The following RAD51B variants were observed in gnomAD, a reference collection of about 807,000 sequenced individuals.
The protein encoded by RAD51B is RAD51 paralog B, also known as DNA repair protein RAD51 homolog 2.
In RAD51B, 38 loss-of-function variants were observed where a neutral mutation model predicts 42.2. The ratio of observed to expected loss-of-function variants is 0.90; its 90% CI spans 0.70 to 1.18. RAD51B has a LOEUF of 1.18. RAD51B is among the 50% of genes most tolerant of loss of function. The probability of loss-of-function intolerance (pLI) is 0.00; values close to 1 mark genes in which losing one functional copy is unlikely to be tolerated. For synonymous variants in RAD51B, 154 were observed against 145.2 expected, an observed-to-expected ratio of 1.06 and a Z score of -0.43; for missense variants, 373 against 400.7, an observed-to-expected ratio of 0.93 and a Z score of 0.59.
At chr14:68,087,731 A>G (rs748238274) in intron 7 of RAD51B, among the ~76,000 whole-genome samples, 1 of 150,326 alleles carries the variant, frequency 6.7e-6, no homozygotes, top group Non-Finnish European at 1.5e-5. Flanking sequence ...GGTCATGTAT[A>G]TGTACCATTA....
chr14:68,008,315 A>G (rs1192465706), intron 7 of RAD51B, among the ~76,000 whole-genome samples: 1 of 152,064 alleles, frequency 6.6e-6, no homozygotes, highest in African/African-American at 2.4e-5. Flanking sequence ...TGATCTTCAT[A>G]TAATGTTAAT....
chr14:68,031,851 T>C (rs2076049074), intron 7 of RAD51B, among the ~76,000 whole-genome samples: 1 of 152,210 alleles, frequency 6.6e-6, no homozygotes, highest in Admixed American at 6.5e-5. Flanking sequence ...ACTACAAATA[T>C]TCTCCCATGA....
intron 10 of RAD51B, among the ~76,000 whole-genome samples, chr14:68,610,837 A>ATG (rs1273814997): frequency 1.0e-5 from 1 of 98,154 alleles, no homozygotes; most frequent in African/African-American, 4.3e-5. Flanking sequence ...CCACATCTGA[A>ATG]TGTATATGTG....
chr14:68,175,166 A>G (rs1393926067), intron 7 of RAD51B, among the ~76,000 whole-genome samples: 2 of 152,250 alleles, frequency 1.3e-5, no homozygotes, highest in Middle Eastern at 3.4e-3. Flanking sequence ...CTATCTTTCC[A>G]TCTGAGACTT....
intron 7 of RAD51B, among the ~76,000 whole-genome samples, chr14:68,122,383 G>A (rs1367680325): frequency 1.3e-5 from 2 of 152,068 alleles, no homozygotes; most frequent in Admixed American, 6.5e-5. Context: ...AAACAAGAAA[G>A]CAATGACCAG....
intron 4 of RAD51B, among the ~76,000 whole-genome samples, chr14:67,864,274 A>G (rs762329371): frequency 6.6e-6 from 1 of 152,144 alleles, no homozygotes; most frequent in Non-Finnish European, 1.5e-5. Context: ...TTAATTTCCT[A>G]TTATTTCCTG....
At chr14:68,673,972 A>C (rs1893245264) in intron 11 of RAD51B, among the ~76,000 whole-genome samples, 1 of 151,810 alleles carries the variant, frequency 6.6e-6, no homozygotes, top group Non-Finnish European at 1.5e-5. Context: ...ACATGCACAC[A>C]CATACACATA....
intron 8 of RAD51B, among the ~76,000 whole-genome samples, chr14:68,370,740 T>G (rs1353641473): frequency 1.3e-5 from 2 of 152,120 alleles, no homozygotes; most frequent in Non-Finnish European, 2.9e-5. Context: ...GAATGTGAAG[T>G]GTATTTTAAA....
chr14:68,328,714 A>C (rs2082291883), intron 8 of RAD51B, among the ~76,000 whole-genome samples: 1 of 152,244 alleles, frequency 6.6e-6, no homozygotes, highest in African/African-American at 2.4e-5. Context: ...ATGAATATGT[A>C]ACCGAAGCTG....
chr14:67,955,944 A>G (rs1281708510), intron 7 of RAD51B, among the ~76,000 whole-genome samples: 1 of 152,188 alleles, frequency 6.6e-6, no homozygotes, highest in Middle Eastern at 3.2e-3. Context: ...AGAGGTGGAG[A>G]TGTAGGAGAT....
chr14:68,362,736 C>A (rs2083054172), intron 8 of RAD51B, among the ~76,000 whole-genome samples: 2 of 151,992 alleles, frequency 1.3e-5, no homozygotes, highest in South Asian at 4.2e-4. Flanking sequence ...GTAGTCCCAG[C>A]TACTCAGGAG....
chr14:68,354,773 G>A (rs1316833624), intron 8 of RAD51B, among the ~76,000 whole-genome samples: 1 of 151,882 alleles, frequency 6.6e-6, no homozygotes, highest in African/African-American at 2.4e-5. Context: ...ATTTAGGTGG[G>A]AAAGGTAACC....
At chr14:68,003,589 CT>C (rs917729912) in intron 7 of RAD51B, among the ~76,000 whole-genome samples, 1 of 152,152 alleles carries the variant, frequency 6.6e-6, no homozygotes, top group African/African-American at 2.4e-5. Flanking sequence ...GCATCCTTGT[CT>C]TGTGGCAGTT....
At chr14:68,182,002 A>G (rs1359676323) in intron 7 of RAD51B, among the ~76,000 whole-genome samples, 2 of 152,204 alleles carry the variant, frequency 1.3e-5, no homozygotes, top group African/African-American at 2.4e-5. Context: ...TATGCATTAT[A>G]TAGATTATGG....
intron 8 of RAD51B, chr14:68,339,094 A>G: frequency 2.9e-6 from 2 of 687,188 alleles, no homozygotes; most frequent in South Asian, 1.5e-5. Flanking sequence ...TTCTCCACCA[A>G]GGTGGTGACC....
intron 7 of RAD51B, among the ~76,000 whole-genome samples, chr14:68,003,950 A>G (rs553613747): frequency 2.8e-4 from 42 of 152,326 alleles, no homozygotes; most frequent in Admixed American, 1.8e-3. Flanking sequence ...ATCTACTAAG[A>G]TAAATCATAT....
intron 7 of RAD51B, among the ~76,000 whole-genome samples, chr14:67,988,219 C>T (rs1418056699): frequency 2.6e-5 from 4 of 151,956 alleles, no homozygotes; most frequent in Non-Finnish European, 4.4e-5. Context: ...CCAGCACTTT[C>T]GGAGGTCAAG....
At chr14:68,102,344 T>C (rs937122346) in intron 7 of RAD51B, among the ~76,000 whole-genome samples, 2 of 152,250 alleles carry the variant, frequency 1.3e-5, no homozygotes, top group Non-Finnish European at 2.9e-5. Context: ...GTTTTTCTTT[T>C]CTATTGCAAT....
intron 4 of RAD51B, among the ~76,000 whole-genome samples, chr14:67,851,136 C>T (rs2041791847): frequency 1.3e-5 from 2 of 151,938 alleles, no homozygotes; most frequent in Non-Finnish European, 2.9e-5. Flanking sequence ...TGGCTGGTTG[C>T]GTCGGTTCAA....
Sources: gnomAD v4.1 joint callset for allele counts (sites outside exome capture counted in the v4.1 genomes callset) on GRCh38, gnomAD v4.1.1 for gene constraint, MANE v1.5 for transcripts, NCBI Gene and HGNC (gene_info 2026-07-23, HGNC 2026-07-21) for gene names.